The following CHST3 variants were observed in gnomAD, a reference collection of about 807,000 sequenced individuals.
The protein encoded by CHST3 is C6ST-1.
A neutral mutation model predicts 35.4 loss-of-function variants in CHST3; 20 were observed. The ratio of observed to expected loss-of-function variants is 0.57; its 90% CI spans 0.40 to 0.82. CHST3 has a LOEUF of 0.82. Among genes scored for constraint, CHST3 ranks in the 40% least tolerant of loss-of-function variants. The pLI is 0.00. For missense variants in CHST3, 693 were observed against 670.1 expected (o/e 1.03, Z -0.38); for synonymous variants, 334 against 295.9 (o/e 1.13, Z -1.32).
intron 2 of CHST3, 80 bp from the exon 3 acceptor site, chr10:72,007,092 T>C: frequency 6.6e-7 from 1 of 1,510,824 alleles, no homozygotes; most frequent in South Asian, 1.2e-5. Context: ...TTTGGTGATC[T>C]GCTTGGAGGA....
At chr10:71,993,704 C>G (rs1439678228) in intron 1 of CHST3, among the ~76,000 whole-genome samples, 1 of 152,210 alleles carries the variant, frequency 6.6e-6, no homozygotes, top group African/African-American at 2.4e-5. Context: ...CGTCTGTAAT[C>G]TCAGCACTTT....
rs28937593 is a variant in CHST3 at position 72,007,942 on chromosome 10, G to A, written c.911G>A (p.Arg304Gln). The A allele has an allele frequency of 6.5e-7, 1 of 1,549,942 alleles. No homozygotes were observed. The highest frequency in any genetic ancestry group is 8.7e-7 in the Non-Finnish European group (1 of 1,146,840). The change falls in exon 3 of 3, where the codon CGG becomes CAG. Residue 304 changes from arginine to glutamine, a missense_variant. Transcript: ENST00000373115. Reference protein sequence around the residue: ...LRVIQLVRDPRAVLASRMVAF... With the variant: ...LRVIQLVRDPQAVLASRMVAF... ...GTCATCCAGCTGGTGCGCGACCCCC[G>A]GGCCGTGCTGGCCTCGCGCATGGTG... is the stretch of plus-strand genomic sequence containing the variant.
intron 1 of CHST3, among the ~76,000 whole-genome samples, chr10:71,971,564 T>C (rs1439365963): frequency 6.6e-6 from 1 of 152,060 alleles, no homozygotes; most frequent in African/African-American, 2.4e-5. Context: ...CGCTTCCCCC[T>C]CCTCTCCTCC....
Position 72,009,463 on chromosome 10 carries a change from C to T in CHST3, c.*992C>T, listed in dbSNP as rs1840085407. 6.6e-6 allele frequency: 1 copy of T among 152,274 alleles called. No homozygotes were observed. The highest frequency in any genetic ancestry group is 2.4e-5 in the African/African-American group (1 of 41,470). The allele number at this position is 152,274 out of a possible 1,614,324, so 9.4% of individuals were successfully genotyped here. A position where few individuals can be genotyped will look rare whatever the true frequency, so the allele number is the denominator to read the frequency against. Reference sequence around the variant, plus strand: ...GAAATGGTGCAGCCAAAGGCCCCGTCTAGCTTGGCTGGCTCCCGAACATGT... The same window carrying T: ...GAAATGGTGCAGCCAAAGGCCCCGTTTAGCTTGGCTGGCTCCCGAACATGT... On this transcript the variant is annotated 3_prime_UTR_variant, in exon 3 of 3. Coordinates refer to ENST00000373115, the MANE Select transcript of CHST3 (RefSeq NM_004273.5).
chr10:71,985,362 A>C (rs1010539961), intron 1 of CHST3, among the ~76,000 whole-genome samples: 2 of 152,160 alleles, frequency 1.3e-5, no homozygotes, highest in African/African-American at 2.4e-5. Flanking sequence ...ATATCATGCT[A>C]TTCCCTCCAG....
In CHST3 at chr10:71,988,599, G is replaced by A. The variant is rs555584079; in HGVS notation, c.-107-17137G>A. The stretch of plus-strand genomic sequence containing the variant: ...AAAGCTCCCTGAGGCTTCACCAGAA[G>A]CCAAGCAGATGCCAGCACCATGCTT... On this transcript the variant is annotated intron_variant, in intron 1 of 2. Coordinates refer to ENST00000373115, the MANE Select transcript of CHST3 (RefSeq NM_004273.5). 1.1e-4 allele frequency among the ~76,000 whole-genome samples: 16 copies of A among 152,326 alleles called. No individual in the cohort carries two copies. In the East Asian group the frequency reaches 2.9e-3, roughly 28 times the overall value.
chr10:72,005,923 C>T lies in CHST3; in HGVS notation c.81C>T (p.Phe27=). 1 of 1,614,116 alleles carries T rather than the reference C, an allele frequency of 6.2e-7. No individual in the cohort carries two copies. Among genetic ancestry groups the T allele is most frequent in the Non-Finnish European group, 8.5e-7 (1 of 1,180,026 alleles). ...SLKMRSKYAL[F]LVFVVIVFVF... ...AGATGAGAAGCAAATACGCCCTTTT[C>T]TTGGTTTTTGTGGTGATAGTTTTTG... Residue 27 remains phenylalanine (F), a synonymous_variant, in exon 2 of 3, where the codon TTC becomes TTT. Transcript: ENST00000373115.
At chr10:71,977,007 A>C (rs1156671730) in intron 1 of CHST3, among the ~76,000 whole-genome samples, 1 of 152,202 alleles carries the variant, frequency 6.6e-6, no homozygotes, top group Non-Finnish European at 1.5e-5. Flanking sequence ...CTGTGTTTAA[A>C]TTGTCCAGCT....
At chr10:72,004,900 C>T (rs946298034) in intron 1 of CHST3, among the ~76,000 whole-genome samples, 1 of 152,114 alleles carries the variant, frequency 6.6e-6, no homozygotes, top group African/African-American at 2.4e-5. Context: ...GAGGCCGAGG[C>T]AGGTGGATTG....
chr10:71,981,322 C>A (rs1839799225), intron 1 of CHST3, among the ~76,000 whole-genome samples: 1 of 152,252 alleles, frequency 6.6e-6, no homozygotes. Context: ...ACTGTCAGCC[C>A]CCACCCCTAA....
intron 1 of CHST3, among the ~76,000 whole-genome samples, chr10:71,990,312 G>A (rs1839885506): frequency 6.6e-6 from 1 of 152,150 alleles, no homozygotes; most frequent in Non-Finnish European, 1.5e-5. Flanking sequence ...ACCTACCTGT[G>A]GCGTCCTTAC....
At position 72,009,661 on chromosome 10, in the gene CHST3, C is replaced by T. The variant is rs1840088270; in HGVS notation, c.*1190C>T. The T allele has an allele frequency of 6.6e-6, 1 of 152,406 alleles. No homozygotes were observed. The highest frequency in any genetic ancestry group is 1.5e-5 in the Non-Finnish European group (1 of 68,128). The allele number at this position is 152,406 out of a possible 1,614,324, so 9.4% of individuals were successfully genotyped here. Reference sequence around the variant, plus strand: ...GTCCCACCAGGATGCCCCCCCTCCCCTGAGAAGCCCGCCTTCTCCCTCGTG... The same window carrying T: ...GTCCCACCAGGATGCCCCCCCTCCCTTGAGAAGCCCGCCTTCTCCCTCGTG... On this transcript the variant is annotated 3_prime_UTR_variant, in exon 3 of 3. Coordinates refer to ENST00000373115, the MANE Select transcript of CHST3 (RefSeq NM_004273.5).
intron 1 of CHST3, among the ~76,000 whole-genome samples, chr10:71,998,918 T>A (rs1301850874): frequency 1.3e-5 from 2 of 149,598 alleles, no homozygotes; most frequent in Non-Finnish European, 3.0e-5. Flanking sequence ...GGGGTGGAGG[T>A]GGTGGGGGAG....
intron 1 of CHST3, among the ~76,000 whole-genome samples, chr10:71,970,320 A>T (rs970340078): frequency 9.9e-5 from 15 of 152,116 alleles, no homozygotes; most frequent in African/African-American, 3.1e-4. Context: ...GCCCTAGGAA[A>T]TTTATCACTG....
intron 1 of CHST3, among the ~76,000 whole-genome samples, chr10:71,980,645 G>T (rs1220981274): frequency 6.6e-6 from 1 of 152,138 alleles, no homozygotes; most frequent in Non-Finnish European, 1.5e-5. Context: ...CTGAGGATTC[G>T]CATTTCCACC....
intron 1 of CHST3, among the ~76,000 whole-genome samples, chr10:71,989,960 A>T (rs947272706): frequency 6.6e-6 from 1 of 152,180 alleles, no homozygotes; most frequent in Non-Finnish European, 1.5e-5. Context: ...AATGTACCTA[A>T]CATTGAGCTA....
At chr10:71,965,605 G>A (rs116756627) in intron 1 of CHST3, among the ~76,000 whole-genome samples, 2,860 of 152,316 alleles carry the variant, frequency 0.019, 109 homozygotes, top group African/African-American at 0.065. Flanking sequence ...AGTTGTGTTT[G>A]GTTTCTGATG....
At position 72,005,890 on chromosome 10, in the gene CHST3, C is replaced by T. The variant is rs574784635; in HGVS notation, c.48C>T (p.His16=). The stretch of plus-strand genomic sequence containing the variant: ...CCCAGGACTGCCGGGACTTTGTGCA[C>T]AGCCTGAAGATGAGAAGCAAATACG... The part of the protein sequence containing the change: ...TLPQDCRDFV[H]SLKMRSKYAL... Residue 16 remains histidine, a synonymous_variant, in exon 2 of 3, where the codon CAC becomes CAT. Transcript: ENST00000373115. The T allele has an allele frequency of 6.2e-7, 1 of 1,614,252 alleles. No homozygotes were observed. The highest frequency in any genetic ancestry group is 1.7e-5 in the Admixed American group (1 of 60,032).
chr10:71,996,933 G>GT (rs1343205853), intron 1 of CHST3, among the ~76,000 whole-genome samples: 2 of 151,900 alleles, frequency 1.3e-5, no homozygotes, highest in African/African-American at 4.8e-5. Flanking sequence ...GTTTTGTTTT[G>GT]TTTTTTTGAG....
Sources: allele counts gnomAD v4.1 joint callset (sites outside exome capture counted in the v4.1 genomes callset), GRCh38; gene constraint gnomAD v4.1.1; transcripts MANE v1.5; gene names NCBI Gene and HGNC (gene_info 2026-07-23, HGNC 2026-07-21).